Variants in HIVEP3 observed in about 807,000 individuals in gnomAD.
The protein encoded by HIVEP3 is HIVEP zinc finger 3.
In HIVEP3, 49 loss-of-function variants were observed where a neutral mutation model predicts 152.8. That is an observed-to-expected ratio of 0.32 (90% confidence interval 0.26 to 0.41). The LOEUF (loss-of-function observed/expected upper bound fraction) is 0.41. HIVEP3 is among the 10% of genes least tolerant of loss of function. The probability of loss-of-function intolerance (pLI) is 1.00; values close to 1 mark genes in which losing one functional copy is unlikely to be tolerated. For missense variants in HIVEP3, 2,790 were observed against 3,103.3 expected, an observed-to-expected ratio of 0.90 and a Z score of 2.40; for synonymous variants, 1,269 against 1,289.0, an observed-to-expected ratio of 0.98 and a Z score of 0.33.
At chr1:41,906,964 A>C (rs1014320498) in intron 1 of HIVEP3, among the ~76,000 whole-genome samples, 2 of 151,638 alleles carry the variant, frequency 1.3e-5, no homozygotes, top group African/African-American at 4.9e-5. Context: ...TGCCATTACA[A>C]ATTAGTGGAA....
rs552429421 is a variant in HIVEP3 at position 41,660,976 on chromosome 1, GA to G, written c.-720-32030del. Among the ~76,000 whole-genome samples, 515 of 152,320 alleles carry G rather than the reference GA, an allele frequency of 3.4e-3. 3 individuals are homozygous for G. The highest frequency in any genetic ancestry group is 3.9e-3 in the Non-Finnish European group (267 of 68,026). ...CCCCTTTTTTGCAGATGATGGAACA[GA>G]AAGGGTGTTCTAAGTCACAGAGCAG... is the stretch of plus-strand genomic sequence containing the variant. On this transcript the variant is annotated intron_variant, in intron 2 of 8. Transcript: ENST00000372583.
At chr1:41,686,177 T>G (rs930661892) in intron 2 of HIVEP3, among the ~76,000 whole-genome samples, 1 of 152,088 alleles carries the variant, frequency 6.6e-6, no homozygotes, top group African/African-American at 2.4e-5. Context: ...GTTCAGGAGA[T>G]TCTCATGCCT....
At chr1:41,528,135 A>G (rs941169007) in intron 5 of HIVEP3, among the ~76,000 whole-genome samples, 6 of 81,984 alleles carry the variant, frequency 7.3e-5, no homozygotes, top group African/African-American at 1.0e-4. Flanking sequence ...TCACCTTCAT[A>G]CTCCACACCC....
At chr1:41,515,252 C>T (rs550653083) in intron 7 of HIVEP3, among the ~76,000 whole-genome samples, 20 of 152,348 alleles carry the variant, frequency 1.3e-4, no homozygotes, top group Middle Eastern at 3.4e-3. Context: ...CCAGAAAGCC[C>T]GGAACTAGCA....
intron 4 of HIVEP3, 51 bp from the exon 5 acceptor site, chr1:41,575,740 C>T: frequency 1.9e-6 from 3 of 1,591,414 alleles, no homozygotes; most frequent in East Asian, 2.2e-5. Flanking sequence ...AGTGCATCCT[C>T]AGTCACGAAT....
chr1:41,509,798 GA>G lies in HIVEP3; in HGVS notation c.*652del. ...CTATTATTTTGTGTTGAAATCCTAG[GA>G]AAAGTATCATTTTATTTTCTTGCAA... On this transcript the variant is annotated 3_prime_UTR_variant, in exon 9 of 9. Coordinates refer to ENST00000372583, the MANE Select transcript of HIVEP3 (RefSeq NM_024503.5). 1 of 97,314 alleles carries G rather than the reference GA, an allele frequency of 1.0e-5. No homozygotes were observed. Among genetic ancestry groups the G allele is most frequent in the Admixed American group, 1.6e-4 (1 of 6,320 alleles). The allele number at this position is 97,314 out of a possible 1,614,324, so 6.0% of individuals were successfully genotyped here.
intron 5 of HIVEP3, among the ~76,000 whole-genome samples, chr1:41,526,751 AT>A (rs1642950886): frequency 9.6e-6 from 1 of 104,438 alleles, no homozygotes; most frequent in Non-Finnish European, 2.0e-5. Flanking sequence ...ACGTGCTCAC[AT>A]CCCCACACTC....
At chr1:41,889,806 G>A (rs1045245978) in intron 1 of HIVEP3, among the ~76,000 whole-genome samples, 2 of 152,168 alleles carry the variant, frequency 1.3e-5, no homozygotes, top group African/African-American at 4.8e-5. Flanking sequence ...TGATGGCTCT[G>A]GATAGGGTTT....
At chr1:41,846,961 G>A (rs1004398573) in intron 1 of HIVEP3, among the ~76,000 whole-genome samples, 2 of 152,172 alleles carry the variant, frequency 1.3e-5, no homozygotes, top group Non-Finnish European at 2.9e-5. Context: ...ATCATTCATG[G>A]GTATTCCCTG....
intron 3 of HIVEP3, among the ~76,000 whole-genome samples, chr1:41,603,769 A>G (rs1644779340): frequency 6.6e-6 from 1 of 152,344 alleles, no homozygotes; most frequent in African/African-American, 2.4e-5. Flanking sequence ...AGAAAAATCC[A>G]TGTGTGCTTG....
intron 5 of HIVEP3, among the ~76,000 whole-genome samples, chr1:41,537,549 C>T (rs1434837692): frequency 2.0e-5 from 3 of 152,154 alleles, no homozygotes; most frequent in East Asian, 1.9e-4. Flanking sequence ...CGCTGCTCTT[C>T]GAGTGAAACT....
intron 1 of HIVEP3, among the ~76,000 whole-genome samples, chr1:41,727,754 C>T (rs1466122778): frequency 1.3e-5 from 2 of 152,214 alleles, no homozygotes; most frequent in Non-Finnish European, 2.9e-5. Context: ...TAGGAAGGAG[C>T]ACCAGACACA....
intron 1 of HIVEP3, among the ~76,000 whole-genome samples, chr1:41,894,685 T>C (rs918000666): frequency 1.3e-5 from 2 of 152,146 alleles, no homozygotes; most frequent in Non-Finnish European, 2.9e-5. Flanking sequence ...AACACAATGT[T>C]TTCAAATATC....
At chr1:41,989,217 C>T (rs955977028) in intron 1 of HIVEP3, among the ~76,000 whole-genome samples, 4 of 152,090 alleles carry the variant, frequency 2.6e-5, no homozygotes, top group African/African-American at 9.7e-5. Flanking sequence ...ATGTTAAATG[C>T]TCTCACCACA....
In HIVEP3 at chr1:41,760,184, A is replaced by G. The variant is rs759864809; in HGVS notation, c.-800-59189T>C. On this transcript the variant is annotated intron_variant, in intron 1 of 8. Transcript: ENST00000372583. ...CCTGGGCAACATAGTGAGGCCCTGT[A>G]TTTTTAAAAATGGGATGAATAAGAG... Among the ~76,000 whole-genome samples, 4 of 152,276 alleles carry G rather than the reference A, an allele frequency of 2.6e-5. No individual in the cohort carries two copies. In the South Asian group the frequency reaches 8.3e-4, roughly 32 times the overall value.
At chr1:41,676,074 C>G (rs1444534137) in intron 2 of HIVEP3, among the ~76,000 whole-genome samples, 1 of 150,666 alleles carries the variant, frequency 6.6e-6, no homozygotes, top group Non-Finnish European at 1.5e-5. Context: ...TTTTTTTTGA[C>G]GGAGTCTTGC....
intron 2 of HIVEP3, among the ~76,000 whole-genome samples, chr1:41,638,079 A>G (rs1645304758): frequency 6.6e-6 from 1 of 152,198 alleles, no homozygotes; most frequent in Non-Finnish European, 1.5e-5. Flanking sequence ...AGGGTAAGGG[A>G]TGAGAAATCA....
chr1:41,788,469 G>A lies in HIVEP3; in HGVS notation c.-800-87474C>T, dbSNP rs376637219. Reference sequence around the variant, plus strand: ...CAGCCAGGAGCCCCAGGGAAGGAAGGAGAGAGAGGCCTGAGCAGGAGAGAG... The same window carrying A: ...CAGCCAGGAGCCCCAGGGAAGGAAGAAGAGAGAGGCCTGAGCAGGAGAGAG... On this transcript the variant is annotated intron_variant, in intron 1 of 8. Transcript: ENST00000372583. Among the ~76,000 whole-genome samples, 113 of 152,330 alleles carry A rather than the reference G, an allele frequency of 7.4e-4. 1 individual carries two copies. The highest frequency in any genetic ancestry group is 2.6e-3 in the African/African-American group (107 of 41,586).
intron 1 of HIVEP3, among the ~76,000 whole-genome samples, chr1:41,993,220 A>C (rs1645373918): frequency 6.6e-6 from 1 of 151,560 alleles, no homozygotes; most frequent in Non-Finnish European, 1.5e-5. Context: ...GCAACCTACA[A>C]AATGGGAGAA....
Sources: allele counts gnomAD v4.1 joint callset (sites outside exome capture counted in the v4.1 genomes callset), GRCh38; gene constraint gnomAD v4.1.1; transcripts MANE v1.5; gene names NCBI Gene and HGNC (gene_info 2026-07-23, HGNC 2026-07-21).